The following GPC6 variants were observed in gnomAD, a reference collection of about 807,000 sequenced individuals.
GPC6 encodes the protein glypican-6.
GPC6 carries 14 observed loss-of-function variants against 55.2 expected under a neutral mutation model. The observed-to-expected ratio is 0.25, with a 90% CI of 0.17 to 0.40. GPC6 has a LOEUF of 0.40. Among genes scored for constraint, GPC6 ranks in the 10% least tolerant of loss-of-function variants. The pLI, the probability that GPC6 is intolerant of heterozygous loss-of-function variation, is 1.00. For missense variants in GPC6, 641 were observed against 708.5 expected, an observed-to-expected ratio of 0.90 and a Z score of 1.08; for synonymous variants, 278 against 259.6, an observed-to-expected ratio of 1.07 and a Z score of -0.68.
chr13:93,928,395 A>G (rs1315968335), intron 3 of GPC6, among the ~76,000 whole-genome samples: 1 of 152,202 alleles, frequency 6.6e-6, no homozygotes, highest in East Asian at 1.9e-4. Flanking sequence ...TGTAGCTTAT[A>G]TAGCGATTCA....
At chr13:93,737,152 C>G (rs1399117156) in intron 2 of GPC6, among the ~76,000 whole-genome samples, 1 of 152,106 alleles carries the variant, frequency 6.6e-6, no homozygotes, top group Non-Finnish European at 1.5e-5. Flanking sequence ...ATTGCTTGGC[C>G]ATTGCACTAT....
intron 4 of GPC6, among the ~76,000 whole-genome samples, chr13:94,122,421 T>C (rs939644934): frequency 6.6e-6 from 1 of 152,112 alleles, no homozygotes; most frequent in African/African-American, 2.4e-5. Flanking sequence ...TATTTTAAAG[T>C]GTGTATTATA....
At chr13:93,603,804 C>T (rs766433739) in intron 2 of GPC6, among the ~76,000 whole-genome samples, 9 of 152,052 alleles carry the variant, frequency 5.9e-5, no homozygotes, top group Non-Finnish European at 1.0e-4. Flanking sequence ...TATCTAGATA[C>T]GAGAAACAGA....
chr13:93,348,926 T>TA, intron 1 of GPC6, among the ~76,000 whole-genome samples: 1 of 152,154 alleles, frequency 6.6e-6, no homozygotes, highest in Admixed American at 6.6e-5. Flanking sequence ...AGAGAATACA[T>TA]AGGTCACTAA....
intron 3 of GPC6, among the ~76,000 whole-genome samples, chr13:93,945,555 C>T (rs1197827120): frequency 2.0e-5 from 3 of 152,082 alleles, no homozygotes; most frequent in African/African-American, 2.4e-5. Context: ...TTTGGCTTTC[C>T]CTGGTTCCTC....
chr13:93,846,391 C>T (rs1221028215), intron 3 of GPC6, among the ~76,000 whole-genome samples: 1 of 152,190 alleles, frequency 6.6e-6, no homozygotes, highest in East Asian at 1.9e-4. Context: ...AGAGCCTATG[C>T]TGTAATATTC....
At chr13:94,303,742 G>A (rs1875785952) in intron 5 of GPC6, among the ~76,000 whole-genome samples, 1 of 132,054 alleles carries the variant, frequency 7.6e-6, no homozygotes, top group African/African-American at 2.9e-5. Context: ...ACTAACCTAT[G>A]TTCTGTAATA....
chr13:93,544,667 T>C (rs1874676317), intron 1 of GPC6, among the ~76,000 whole-genome samples: 1 of 152,214 alleles, frequency 6.6e-6, no homozygotes, highest in Non-Finnish European at 1.5e-5. Flanking sequence ...TACATTTCCT[T>C]ATAACGTAAG....
intron 1 of GPC6, among the ~76,000 whole-genome samples, chr13:93,231,541 C>G (rs1031439384): frequency 6.6e-6 from 1 of 150,904 alleles, no homozygotes; most frequent in African/African-American, 2.4e-5. Context: ...TTCTCAATAT[C>G]ACTTTGACTT....
chr13:93,352,487 C>T (rs923384040), intron 1 of GPC6, among the ~76,000 whole-genome samples: 4 of 151,996 alleles, frequency 2.6e-5, no homozygotes, highest in South Asian at 2.1e-4. Context: ...TTATATTTTA[C>T]GAATTTTGTT....
At chr13:94,123,662 A>G (rs551152751) in intron 4 of GPC6, among the ~76,000 whole-genome samples, 92 of 152,090 alleles carry the variant, frequency 6.0e-4, no homozygotes, top group Middle Eastern at 3.4e-3. Context: ...CTCTTAAGCA[A>G]CTGTGTGTGT....
chr13:93,403,567 G>T (rs1214801369), intron 1 of GPC6, among the ~76,000 whole-genome samples: 8 of 152,118 alleles, frequency 5.3e-5, no homozygotes, highest in South Asian at 2.1e-4. Flanking sequence ...TAGATATTTG[G>T]TTAAATTTGT....
rs372896452 is a variant in GPC6 at position 94,272,507 on chromosome 13, T to C, written c.878-13842T>C. ...TTTTTGAAACAGAGTCTCACTCTGT[T>C]GCCCAGGCTGGAGTGCAGTGGTGCC... On this transcript the variant is annotated intron_variant, in intron 4 of 8. Transcript: ENST00000377047. 3.3e-3 allele frequency among the ~76,000 whole-genome samples: 458 copies of C among 139,848 alleles called. 7 individuals are homozygous for C. Among genetic ancestry groups the C allele is most frequent in the African/African-American group, 0.012 (416 of 35,140 alleles). 91.7% of individuals were successfully genotyped at this position (139,848 alleles called of 152,430 possible).
At chr13:94,060,842 G>A (rs376049232) in intron 4 of GPC6, among the ~76,000 whole-genome samples, 9 of 152,178 alleles carry the variant, frequency 5.9e-5, no homozygotes, top group South Asian at 2.1e-4. Flanking sequence ...TTGCCAAACC[G>A]TCTGATTAAA....
At chr13:94,282,501 G>A (rs9561530) in intron 4 of GPC6, among the ~76,000 whole-genome samples, 97,519 of 152,006 alleles carry the variant, frequency 0.64, 32,848 homozygotes, top group African/African-American at 0.86. Flanking sequence ...GGGAACTACA[G>A]TTCAAATGAG....
chr13:93,236,666 G>A (rs1293464321), intron 1 of GPC6, among the ~76,000 whole-genome samples: 2 of 152,128 alleles, frequency 1.3e-5, no homozygotes, highest in Non-Finnish European at 2.9e-5. Context: ...AGGTGAAACA[G>A]TTTCATATCC....
At chr13:93,985,715 T>TAAAAAAAAAAAAAAAAAAAA (rs1157375754) in intron 3 of GPC6, among the ~76,000 whole-genome samples, 2 of 126,238 alleles carry the variant, frequency 1.6e-5, no homozygotes, top group African/African-American at 2.8e-5. Flanking sequence ...AAAAAAAAAT[T>TAAAAAAAAAAAAAAAAAAAA]AAAAAACGGA....
At chr13:94,036,231 G>C (rs1488359359) in intron 4 of GPC6, among the ~76,000 whole-genome samples, 1 of 151,988 alleles carries the variant, frequency 6.6e-6, no homozygotes, top group Non-Finnish European at 1.5e-5. Context: ...ATATCCAGGA[G>C]AGAATTTAAA....
chr13:93,737,336 T>C (rs1222176638), intron 2 of GPC6, among the ~76,000 whole-genome samples: 1 of 152,182 alleles, frequency 6.6e-6, no homozygotes, highest in African/African-American at 2.4e-5. Context: ...TTGATGAAAG[T>C]GCTTAAGATT....
Sources: gnomAD v4.1 joint callset for allele counts (sites outside exome capture counted in the v4.1 genomes callset) on GRCh38, gnomAD v4.1.1 for gene constraint, MANE v1.5 for transcripts, NCBI Gene and HGNC (gene_info 2026-07-23, HGNC 2026-07-21) for gene names.